Variants in MEIKIN observed in about 807,000 individuals in gnomAD.
MEIKIN encodes the protein meiosis-specific kinetochore protein.
chr5:131,915,257 G>A (rs1751399017), intron 7 of MEIKIN, among the ~76,000 whole-genome samples: 1 of 152,184 alleles, frequency 6.6e-6, no homozygotes, highest in South Asian at 2.1e-4. Context: ...AAACCAAGGT[G>A]AGGTAAAATC....
intron 11 of MEIKIN, among the ~76,000 whole-genome samples, chr5:131,848,749 GA>G (rs1439440366): frequency 3.3e-5 from 5 of 152,058 alleles, no homozygotes; most frequent in Admixed American, 3.3e-4. Context: ...ATATCCACTA[GA>G]ACATTGAAGA....
intron 8 of MEIKIN, 67 bp from the exon 9 acceptor site, chr5:131,879,115 C>A (rs774354776): frequency 3.3e-5 from 13 of 396,704 alleles, no homozygotes; most frequent in Non-Finnish European, 5.3e-5. Flanking sequence ...GTCCAAAGGA[C>A]AAGAGAATTC....
At chr5:131,840,094 G>C (rs1749877540) in intron 11 of MEIKIN, among the ~76,000 whole-genome samples, 1 of 152,122 alleles carries the variant, frequency 6.6e-6, no homozygotes, top group East Asian at 1.9e-4. Context: ...GTCTGAAAAA[G>C]ATATTATTTC....
At chr5:131,908,557 T>C (rs1463202977) in intron 8 of MEIKIN, among the ~76,000 whole-genome samples, 1 of 152,114 alleles carries the variant, frequency 6.6e-6, no homozygotes, top group Non-Finnish European at 1.5e-5. Flanking sequence ...TTATTCAACA[T>C]AGTATCGGAA....
At chr5:131,923,862 T>C (rs1283711215) in intron 5 of MEIKIN, among the ~76,000 whole-genome samples, 1 of 152,086 alleles carries the variant, frequency 6.6e-6, no homozygotes, top group African/African-American at 2.4e-5. Context: ...AGATCTACAC[T>C]CAAACTTTTA....
rs1201156289 is a variant in MEIKIN, at chr5:131,945,532, CG to C, written c.-28del. The C allele has an allele frequency of 2.5e-6, 1 of 399,852 alleles. No homozygotes were observed. Among genetic ancestry groups the C allele is most frequent in the African/African-American group, 2.1e-5 (1 of 48,626 alleles). The allele number at this position is 399,852 out of a possible 1,614,324, so 24.8% of individuals were successfully genotyped here. A position where few individuals can be genotyped will look rare whatever the true frequency, so the allele number is the denominator to read the frequency against. On this transcript the variant is annotated 5_prime_UTR_variant, in exon 1 of 13. Transcript: ENST00000442687. The stretch of plus-strand genomic sequence containing the variant: ...GCTATCCCACCCTACCCCCAGGCCA[CG>C]GGTGCCTCTGGACTCTCGATGGCCT...
intron 9 of MEIKIN, among the ~76,000 whole-genome samples, chr5:131,863,574 T>C (rs2149620606): frequency 6.7e-6 from 1 of 149,228 alleles, no homozygotes; most frequent in African/African-American, 2.5e-5. Context: ...TTTTTTTTTT[T>C]TTTTTTTTTA....
chr5:131,826,042 C>CTTA (rs1749603184), intron 11 of MEIKIN, among the ~76,000 whole-genome samples: 1 of 151,658 alleles, frequency 6.6e-6, no homozygotes, highest in African/African-American at 2.4e-5. Context: ...CACCAAAGAC[C>CTTA]TTCACTAAAT....
chr5:131,867,779 A>G (rs1750412062), intron 9 of MEIKIN, among the ~76,000 whole-genome samples: 1 of 152,214 alleles, frequency 6.6e-6, no homozygotes, highest in South Asian at 2.1e-4. Context: ...CACCTAATGA[A>G]GAACATTTTC....
At chr5:131,818,685 G>GA (rs1225712651) in intron 12 of MEIKIN, 55 bp downstream of exon 12, 6 of 391,802 alleles carry the variant, frequency 1.5e-5, no homozygotes, top group African/African-American at 4.1e-5. Flanking sequence ...CATTTTTAAT[G>GA]AAAAAAATGT....
At chr5:131,861,921 T>A (rs1015880354) in intron 9 of MEIKIN, among the ~76,000 whole-genome samples, 4 of 152,186 alleles carry the variant, frequency 2.6e-5, no homozygotes, top group African/African-American at 4.8e-5. Context: ...CTGTTGTTGT[T>A]GTGTCCTTGT....
intron 9 of MEIKIN, among the ~76,000 whole-genome samples, chr5:131,858,137 T>G (rs946173342): frequency 1.3e-5 from 2 of 152,182 alleles, no homozygotes; most frequent in African/African-American, 4.8e-5. Flanking sequence ...AGAACAAAGC[T>G]GGGGGCCTGG....
intron 9 of MEIKIN, among the ~76,000 whole-genome samples, chr5:131,869,255 C>T (rs1750443296): frequency 6.6e-6 from 1 of 152,166 alleles, no homozygotes; most frequent in African/African-American, 2.4e-5. Flanking sequence ...CATTATATTG[C>T]CTTTGCTCCT....
At chr5:131,935,990 T>G (rs531124909) in intron 4 of MEIKIN, among the ~76,000 whole-genome samples, 2 of 152,336 alleles carry the variant, frequency 1.3e-5, no homozygotes, top group East Asian at 3.9e-4. Context: ...CTTCTCACAC[T>G]GTCTTCATCC....
intron 11 of MEIKIN, among the ~76,000 whole-genome samples, chr5:131,828,489 T>G (rs1256312881): frequency 1.3e-5 from 2 of 152,066 alleles, no homozygotes; most frequent in Non-Finnish European, 2.9e-5. Flanking sequence ...AAGATAAAAT[T>G]GAGGAAATCT....
intron 8 of MEIKIN, among the ~76,000 whole-genome samples, chr5:131,893,143 C>T (rs1300450205): frequency 6.6e-6 from 1 of 151,324 alleles, no homozygotes; most frequent in Non-Finnish European, 1.5e-5. Context: ...TTTAAGTCTG[C>T]AGAGGTTACT....
At position 131,856,090 on chromosome 5, in the gene MEIKIN, G is replaced by C. The variant is rs184854486; in HGVS notation, c.775-1256C>G. Among the ~76,000 whole-genome samples, 3 of 152,230 alleles carry C rather than the reference G, an allele frequency of 2.0e-5. No individual in the cohort carries two copies. In the East Asian group the frequency reaches 5.8e-4, roughly 29 times the overall value. On this transcript the variant is annotated intron_variant, in intron 9 of 12. Coordinates refer to ENST00000442687, the MANE Select transcript of MEIKIN (RefSeq NM_001303622.2). Reference sequence around the variant, plus strand: ...TTGGTACAAGACATAATCTGGAATAGTTTATTAGGAAAATTTTTGTCAGAA... The same window carrying C: ...TTGGTACAAGACATAATCTGGAATACTTTATTAGGAAAATTTTTGTCAGAA...
chr5:131,886,717 C>T lies in MEIKIN; in HGVS notation c.704-7669G>A, dbSNP rs187302041. Among the ~76,000 whole-genome samples the T allele has an allele frequency of 1.1e-4, 17 of 152,144 alleles. No homozygotes were observed. In the East Asian group the frequency reaches 2.3e-3, roughly 21 times the overall value. On this transcript the variant is annotated intron_variant, in intron 8 of 12. Coordinates refer to ENST00000442687, the MANE Select transcript of MEIKIN (RefSeq NM_001303622.2). ...AGCAATAAGAAATAATGTGAAGGTACGAAACTCATTGGTAATAATGAGGTC... is the reference window on the plus strand; with the variant it reads ...AGCAATAAGAAATAATGTGAAGGTATGAAACTCATTGGTAATAATGAGGTC...
At chr5:131,932,859 T>C (rs570323189) in intron 5 of MEIKIN, among the ~76,000 whole-genome samples, 2 of 152,296 alleles carry the variant, frequency 1.3e-5, no homozygotes, top group East Asian at 3.9e-4. Context: ...TCTGTGACAC[T>C]ATAGTGCAAA....
Sources: allele counts gnomAD v4.1 joint callset (sites outside exome capture counted in the v4.1 genomes callset), GRCh38; gene constraint gnomAD v4.1.1; transcripts MANE v1.5; gene names NCBI Gene and HGNC (gene_info 2026-07-23, HGNC 2026-07-21).